LOC400499: variants seen among roughly 807,000 people sequenced by gnomAD.
the LOC400499 span, chr16:11,493,599 C>T: frequency 5.1e-6 from 2 of 395,942 alleles, no homozygotes; most frequent in African/African-American, 2.1e-5. Context: ...TCGAGACCCA[C>T]CACCACCCAA....
At chr16:11,496,767 C>A in the LOC400499 span, among the ~76,000 whole-genome samples, 3 of 152,118 alleles carry the variant, frequency 2.0e-5, no homozygotes, top group African/African-American at 7.2e-5. Flanking sequence ...TGTCTCCACA[C>A]GTCCCACTGG....
At chr16:11,373,348 G>T in the LOC400499 span, among the ~76,000 whole-genome samples, 1 of 152,148 alleles carries the variant, frequency 6.6e-6, no homozygotes, top group African/African-American at 2.4e-5. Context: ...TTAAAAGATG[G>T]GTTTTAACTT....
chr16:11,405,106 C>T, the LOC400499 span, among the ~76,000 whole-genome samples: 2 of 152,200 alleles, frequency 1.3e-5, no homozygotes, highest in Non-Finnish European at 2.9e-5. Flanking sequence ...AGAACAGCCA[C>T]TTCTCAATTC....
chr16:11,384,059 C>A, the LOC400499 span: 2 of 1,231,666 alleles, frequency 1.6e-6, no homozygotes, highest in South Asian at 8.2e-5. Context: ...ATGTGGCTCC[C>A]CCGCGTACAC....
chr16:11,404,807 G>A, the LOC400499 span: 1 of 399,038 alleles, frequency 2.5e-6, no homozygotes, highest in Non-Finnish European at 4.4e-6. Context: ...GCAGGACACG[G>A]GTCCCATGAG....
At chr16:11,513,674 G>A in the LOC400499 span, among the ~76,000 whole-genome samples, 3 of 151,898 alleles carry the variant, frequency 2.0e-5, no homozygotes, top group African/African-American at 4.8e-5. Context: ...CAAGTTATCC[G>A]CCTACCTCGG....
the LOC400499 span, among the ~76,000 whole-genome samples, chr16:11,487,092 T>C: frequency 7.2e-5 from 11 of 151,782 alleles, no homozygotes; most frequent in East Asian, 2.1e-3. Flanking sequence ...TGTAGGTGAA[T>C]TGATAGATGT....
the LOC400499 span, among the ~76,000 whole-genome samples, chr16:11,488,317 A>C: frequency 6.6e-6 from 1 of 152,174 alleles, no homozygotes; most frequent in African/African-American, 2.4e-5. Context: ...GCCATAAAAT[A>C]ACTGATATGA....
the LOC400499 span, chr16:11,514,415 C>G: frequency 2.5e-6 from 1 of 398,990 alleles, no homozygotes; most frequent in South Asian, 1.3e-4. Flanking sequence ...GGAGAGGGTC[C>G]TCATCTGCAC....
chr16:11,426,059 A>G, the LOC400499 span, among the ~76,000 whole-genome samples: 13 of 152,352 alleles, frequency 8.5e-5, no homozygotes, highest in East Asian at 2.1e-3. Context: ...AATTCACACT[A>G]TTAACAAAAT....
chr16:11,524,851 C>A, the LOC400499 span, among the ~76,000 whole-genome samples: 1 of 152,152 alleles, frequency 6.6e-6, no homozygotes, highest in African/African-American at 2.4e-5. Context: ...TCACCCGTGC[C>A]CTCCTATGCA....
the LOC400499 span, among the ~76,000 whole-genome samples, chr16:11,471,056 G>C: frequency 6.6e-6 from 1 of 152,204 alleles, no homozygotes; most frequent in African/African-American, 2.4e-5. Flanking sequence ...CACGGCGTCT[G>C]GCTCCTACTT....
chr16:11,518,785 T>C, the LOC400499 span: 1 of 397,466 alleles, frequency 2.5e-6, no homozygotes, highest in East Asian at 3.6e-5. Context: ...CCCTAACCAA[T>C]TGTCCTAATC....
chr16:11,483,468 A>G, the LOC400499 span, among the ~76,000 whole-genome samples: 1 of 152,226 alleles, frequency 6.6e-6, no homozygotes, highest in African/African-American at 2.4e-5. Context: ...ACCATTAAGC[A>G]ATAAAAAGAA....
the LOC400499 span, among the ~76,000 whole-genome samples, chr16:11,391,049 G>A: frequency 6.6e-6 from 1 of 152,200 alleles, no homozygotes; most frequent in Non-Finnish European, 1.5e-5. Flanking sequence ...TGTGAATAGC[G>A]CTGGGCGGAG....
At chr16:11,403,469 A>T in the LOC400499 span, among the ~76,000 whole-genome samples, 947 of 147,572 alleles carry the variant, frequency 6.4e-3, 13 homozygotes, top group African/African-American at 0.024. Context: ...ACACATACAC[A>T]CATGAGCACA....
At chr16:11,443,491 A>AAAAAGGAGAG in the LOC400499 span, 1 of 132,234 alleles carries the variant, frequency 7.6e-6, no homozygotes, top group Admixed American at 1.3e-4. Flanking sequence ...AAAAAAAAAA[A>AAAAAGGAGAG]AGAGAGAGAG....
At chr16:11,387,611 G>A in the LOC400499 span, among the ~76,000 whole-genome samples, 4 of 150,106 alleles carry the variant, frequency 2.7e-5, no homozygotes, top group South Asian at 4.3e-4. Context: ...TGGGGATGCC[G>A]AGGACAGGAG....
the LOC400499 span, among the ~76,000 whole-genome samples, chr16:11,507,018 G>A: frequency 6.6e-6 from 1 of 152,180 alleles, no homozygotes; most frequent in African/African-American, 2.4e-5. Flanking sequence ...GTAAGTAAAA[G>A]ACAGCCGCAC....
Sources: allele counts gnomAD v4.1 joint callset (sites outside exome capture counted in the v4.1 genomes callset), GRCh38; gene constraint gnomAD v4.1.1; transcripts MANE v1.5.